Variants in RAD51B observed in about 807,000 individuals in gnomAD.
RAD51B encodes RAD51 paralog B.
In RAD51B, 38 loss-of-function variants were observed where a neutral mutation model predicts 42.2. The observed-to-expected ratio is 0.90, with a 90% CI of 0.70 to 1.18. RAD51B has a LOEUF of 1.18. Ranked by LOEUF, RAD51B falls within the 50% of genes most tolerant of loss-of-function variation. The probability of loss-of-function intolerance (pLI) is 0.00; values close to 1 mark genes in which losing one functional copy is unlikely to be tolerated. For synonymous variants in RAD51B, 154 were observed against 145.2 expected, an observed-to-expected ratio of 1.06 and a Z score of -0.43; for missense variants, 373 against 400.7, an observed-to-expected ratio of 0.93 and a Z score of 0.59.
chr14:68,123,832 A>C (rs910373185), intron 7 of RAD51B, among the ~76,000 whole-genome samples: 4 of 152,128 alleles, frequency 2.6e-5, no homozygotes, highest in Admixed American at 1.3e-4. Flanking sequence ...AACCAACCAA[A>C]CAAACAAAAA....
intron 10 of RAD51B, among the ~76,000 whole-genome samples, chr14:68,602,753 A>C (rs999114809): frequency 9.9e-5 from 15 of 152,212 alleles, no homozygotes; most frequent in Non-Finnish European, 1.8e-4. Flanking sequence ...TGTCATCTAA[A>C]GAATACCTTC....
intron 10 of RAD51B, chr14:68,540,054 G>A: frequency 2.4e-6 from 1 of 418,602 alleles, no homozygotes; most frequent in Non-Finnish European, 3.3e-6. Context: ...GGCATCCACG[G>A]TGAGCAGCTG....
intron 7 of RAD51B, among the ~76,000 whole-genome samples, chr14:68,123,792 A>C (rs2077701428): frequency 6.6e-6 from 1 of 152,220 alleles, no homozygotes; most frequent in Admixed American, 6.5e-5. Context: ...TGGGCAACAG[A>C]GTGAGACTCC....
chr14:68,613,112 C>G (rs553151173), downstream of RAD51B, among the ~76,000 whole-genome samples: 8 of 152,166 alleles, frequency 5.3e-5, no homozygotes, highest in Non-Finnish European at 1.2e-4. Context: ...ATAATGCAGA[C>G]CAATATAAGA....
At chr14:68,095,081 T>G (rs924352184) in intron 7 of RAD51B, among the ~76,000 whole-genome samples, 1 of 152,202 alleles carries the variant, frequency 6.6e-6, no homozygotes, top group Non-Finnish European at 1.5e-5. Flanking sequence ...TAAAATTCTT[T>G]TCCTGGCAAG....
At chr14:68,502,591 T>C (rs532964958) in intron 10 of RAD51B, among the ~76,000 whole-genome samples, 10 of 152,338 alleles carry the variant, frequency 6.6e-5, no homozygotes, top group Admixed American at 5.2e-4. Flanking sequence ...ACCCACCTGA[T>C]GAGTGCCTAC....
At chr14:68,244,133 G>A (rs1364576970) in intron 7 of RAD51B, among the ~76,000 whole-genome samples, 1 of 152,038 alleles carries the variant, frequency 6.6e-6, no homozygotes, top group Non-Finnish European at 1.5e-5. Context: ...AGATCTGTTT[G>A]TATTGTTATT....
chr14:67,855,609 G>C (rs2041966938), intron 4 of RAD51B, among the ~76,000 whole-genome samples: 1 of 152,148 alleles, frequency 6.6e-6, no homozygotes, highest in African/African-American at 2.4e-5. Flanking sequence ...AATAAGGCAG[G>C]GGTTGTAAAC....
chr14:68,479,925 C>T (rs2140260450), downstream of RAD51B, among the ~76,000 whole-genome samples: 1 of 152,060 alleles, frequency 6.6e-6, no homozygotes, highest in South Asian at 2.1e-4. Flanking sequence ...AGGCTCAAGC[C>T]ACCTTCCCAG....
chr14:68,363,721 T>C (rs1159338398), intron 8 of RAD51B, among the ~76,000 whole-genome samples: 3 of 152,236 alleles, frequency 2.0e-5, no homozygotes, highest in African/African-American at 7.2e-5. Context: ...TAACACAGTC[T>C]TTCTCCCGGC....
At chr14:67,893,491 C>CAA (rs1566945218) in intron 7 of RAD51B, among the ~76,000 whole-genome samples, 2 of 76,752 alleles carry the variant, frequency 2.6e-5, no homozygotes, top group African/African-American at 1.5e-4. Context: ...CACACACACA[C>CAA]ACACACACAC....
At chr14:68,329,444 T>C (rs968282865) in intron 8 of RAD51B, among the ~76,000 whole-genome samples, 8 of 152,212 alleles carry the variant, frequency 5.3e-5, no homozygotes, top group African/African-American at 1.9e-4. Flanking sequence ...AAGATAGGAA[T>C]GTCAGCTTCA....
chr14:68,345,541 C>G (rs1473880992), intron 8 of RAD51B, among the ~76,000 whole-genome samples: 1 of 152,296 alleles, frequency 6.6e-6, no homozygotes, highest in East Asian at 1.9e-4. Flanking sequence ...CCTTCACCTG[C>G]CACCATGACT....
At chr14:68,285,195 C>T (rs564104472) in intron 7 of RAD51B, among the ~76,000 whole-genome samples, 4 of 152,270 alleles carry the variant, frequency 2.6e-5, no homozygotes, top group South Asian at 4.1e-4. Flanking sequence ...AGGAAAGTTC[C>T]GGTCTCTGTC....
intron 7 of RAD51B, among the ~76,000 whole-genome samples, chr14:67,911,671 A>G (rs1464383737): frequency 1.3e-5 from 2 of 152,172 alleles, no homozygotes; most frequent in African/African-American, 4.8e-5. Flanking sequence ...GATGAAACCT[A>G]AAACTGTACT....
At chr14:67,899,506 TA>T (rs1023245792) in intron 7 of RAD51B, among the ~76,000 whole-genome samples, 2 of 152,224 alleles carry the variant, frequency 1.3e-5, no homozygotes, top group African/African-American at 4.8e-5. Context: ...GTTCTTTTTG[TA>T]TTACCATTAA....
chr14:68,161,476 G>A (rs749028752), intron 7 of RAD51B, among the ~76,000 whole-genome samples: 28 of 152,154 alleles, frequency 1.8e-4, no homozygotes, highest in Non-Finnish European at 4.0e-4. Context: ...CCTGGCGAAT[G>A]CAATTAAATC....
chr14:68,442,991 C>T (rs896173802), intron 9 of RAD51B, among the ~76,000 whole-genome samples: 1 of 152,188 alleles, frequency 6.6e-6, no homozygotes, highest in Non-Finnish European at 1.5e-5. Flanking sequence ...ATGCAGTGCA[C>T]TGCTCATTCA....
chr14:68,518,602 G>A (rs968460309), intron 10 of RAD51B, among the ~76,000 whole-genome samples: 2 of 90,480 alleles, frequency 2.2e-5, no homozygotes, highest in African/African-American at 8.3e-5. Context: ...TCAGGTCCCC[G>A]ACACTCAGCC....
Sources: allele counts gnomAD v4.1 joint callset (sites outside exome capture counted in the v4.1 genomes callset), GRCh38; gene constraint gnomAD v4.1.1; transcripts MANE v1.5; gene names NCBI Gene and HGNC (gene_info 2026-07-23, HGNC 2026-07-21).